The following ANO10 variants were observed in gnomAD, a reference collection of about 807,000 sequenced individuals.
ANO10 encodes the protein anoctamin-10.
ANO10 carries 77 observed loss-of-function variants against 74.7 expected under a neutral mutation model. The ratio of observed to expected loss-of-function variants is 1.03; its 90% CI spans 0.86 to 1.25. The LOEUF is 1.25. ANO10 is among the 50% of genes most tolerant of loss of function. ANO10 has a pLI of 0.00. For synonymous variants in ANO10, 279 were observed against 284.9 expected (o/e 0.98, Z 0.21); for missense variants, 721 against 778.1 (o/e 0.93, Z 0.87).
intron 11 of ANO10, among the ~76,000 whole-genome samples, chr3:43,500,716 CCT>C (rs2077069614): frequency 2.0e-5 from 3 of 152,126 alleles, no homozygotes; most frequent in Admixed American, 2.0e-4. Context: ...CCTTTTCAAC[CCT>C]GAGTGACACT....
At chr3:43,575,191 T>C (rs1195810294) in intron 6 of ANO10, among the ~76,000 whole-genome samples, 1 of 152,220 alleles carries the variant, frequency 6.6e-6, no homozygotes, top group African/African-American at 2.4e-5. Context: ...CTAATAATAG[T>C]AACCTCTAGA....
At chr3:43,480,610 T>C (rs983625717) in intron 11 of ANO10, among the ~76,000 whole-genome samples, 1 of 151,996 alleles carries the variant, frequency 6.6e-6, no homozygotes, top group Non-Finnish European at 1.5e-5. Flanking sequence ...CCTGCCAAGA[T>C]AAAGGAGGGG....
intron 4 of ANO10, among the ~76,000 whole-genome samples, chr3:43,582,907 T>C (rs1376476289): frequency 6.6e-6 from 1 of 152,238 alleles, no homozygotes; most frequent in African/African-American, 2.4e-5. Context: ...ACTGTTCTGA[T>C]TCTTATTCCT....
intron 11 of ANO10, among the ~76,000 whole-genome samples, chr3:43,435,342 C>A (rs1186953812): frequency 6.6e-6 from 1 of 152,092 alleles, no homozygotes; most frequent in African/African-American, 2.4e-5. Flanking sequence ...AACCCCATCT[C>A]CACTAGAAAT....
rs149990172 is a variant in ANO10 at position 43,685,158 on chromosome 3, G to A, written c.-12+6359C>T. On this transcript the variant is annotated intron_variant, in intron 1 of 3. Coordinates refer to the ANO10 transcript ENST00000413397. Reference sequence around the variant, plus strand: ...TGGCATAAAGCCATTTGTAGTATTCGCCTTACTATCTTTTGAATATGTTGG... The same window carrying A: ...TGGCATAAAGCCATTTGTAGTATTCACCTTACTATCTTTTGAATATGTTGG... Among the ~76,000 whole-genome samples, 511 of 152,180 alleles carry A rather than the reference G, an allele frequency of 3.4e-3. 1 individual carries two copies. The highest frequency in any genetic ancestry group is 0.012 in the African/African-American group (481 of 41,540).
chr3:43,377,115 T>G (rs988841044), intron 12 of ANO10, among the ~76,000 whole-genome samples: 2 of 152,184 alleles, frequency 1.3e-5, no homozygotes, highest in Non-Finnish European at 2.9e-5. Flanking sequence ...AGGGTTTCAC[T>G]CTGTCACCTA....
chr3:43,508,478 T>C (rs9814737), intron 11 of ANO10, among the ~76,000 whole-genome samples: 75,140 of 151,968 alleles, frequency 0.49, 20,667 homozygotes, highest in East Asian at 0.83. Context: ...CATGCTGCCA[T>C]AAAGACACAT....
At chr3:43,444,547 C>T (rs1575826143) in intron 11 of ANO10, among the ~76,000 whole-genome samples, 1 of 152,216 alleles carries the variant, frequency 6.6e-6, no homozygotes, top group Admixed American at 6.5e-5. Flanking sequence ...TTTCATTCTA[C>T]TATATACTTA....
chr3:43,497,481 C>G (rs2076958643), intron 11 of ANO10, among the ~76,000 whole-genome samples: 1 of 152,196 alleles, frequency 6.6e-6, no homozygotes, highest in Non-Finnish European at 1.5e-5. Context: ...CTCTGTTTTT[C>G]CTGATTGCAG....
intron 1 of ANO10, among the ~76,000 whole-genome samples, chr3:43,636,022 C>CAAA (rs201394976): frequency 1.4e-5 from 2 of 147,510 alleles, no homozygotes; most frequent in Admixed American, 6.7e-5. Context: ...GTAAAAAAAA[C>CAAA]AAAAAAAAAC....
intron 1 of ANO10, among the ~76,000 whole-genome samples, chr3:43,665,723 C>T (rs576790077): frequency 1.8e-4 from 27 of 152,294 alleles, no homozygotes; most frequent in African/African-American, 5.8e-4. Context: ...TCAGGATTCA[C>T]TGGTTGGTCG....
At chr3:43,525,447 A>G (rs2078153295) in intron 11 of ANO10, among the ~76,000 whole-genome samples, 1 of 152,148 alleles carries the variant, frequency 6.6e-6, no homozygotes, top group Non-Finnish European at 1.5e-5. Context: ...CTTTGTGTTC[A>G]TGCTAGATAA....
intron 9 of ANO10, among the ~76,000 whole-genome samples, chr3:43,560,618 G>A (rs1028473539): frequency 2.0e-5 from 3 of 152,188 alleles, no homozygotes; most frequent in African/African-American, 7.2e-5. Context: ...AGTGAATGTA[G>A]TCAGAGCTCA....
chr3:43,611,814 C>A (rs910926132), intron 1 of ANO10, among the ~76,000 whole-genome samples: 7 of 152,016 alleles, frequency 4.6e-5, no homozygotes, highest in Admixed American at 3.3e-4. Flanking sequence ...CCAGCAAGAA[C>A]AAATATGATA....
chr3:43,379,227 A>G (rs555735189), intron 12 of ANO10, among the ~76,000 whole-genome samples: 1 of 152,370 alleles, frequency 6.6e-6, no homozygotes, highest in South Asian at 2.1e-4. Flanking sequence ...CTACCAACAG[A>G]CTGTCTTTCT....
intron 11 of ANO10, among the ~76,000 whole-genome samples, chr3:43,486,496 G>A (rs2076495013): frequency 6.7e-6 from 1 of 148,596 alleles, no homozygotes; most frequent in African/African-American, 2.5e-5. Context: ...GCAGTGGTTT[G>A]TAGTTCTCCT....
intron 11 of ANO10, among the ~76,000 whole-genome samples, chr3:43,513,812 C>T (rs1454971039): frequency 1.3e-5 from 2 of 151,946 alleles, no homozygotes; most frequent in Admixed American, 1.3e-4. Context: ...TGCCCAGCCA[C>T]ACACTTCTAT....
At position 43,432,944 on chromosome 3, in the gene ANO10, C is replaced by CTTTTTT. The variant is rs5848663; in HGVS notation, c.1798-223_1798-218dup. Among the ~76,000 whole-genome samples, 402 of 55,258 alleles carry CTTTTTT rather than the reference C, an allele frequency of 7.3e-3. 75 individuals are homozygous for CTTTTTT. The highest frequency in any genetic ancestry group is 0.033 in the East Asian group (35 of 1,072). The allele number at this position is 55,258 out of a possible 152,430, so 36.3% of individuals were successfully genotyped here. A position where few individuals can be genotyped will look rare whatever the true frequency, so the allele number is the denominator to read the frequency against. ...CAGTAATTACTGACTTTGCTTAATT[C>CTTTTTT]TTTTTTTTTTTTTTTTTTTTTTTTT... is the stretch of plus-strand genomic sequence containing the variant. On this transcript the variant is annotated intron_variant, in intron 11 of 12. Transcript: ENST00000292246.
intron 1 of ANO10, among the ~76,000 whole-genome samples, chr3:43,630,466 G>A (rs141862813): frequency 2.2e-3 from 341 of 152,108 alleles, no homozygotes; most frequent in Non-Finnish European, 3.5e-3. Flanking sequence ...TAAATTCAGA[G>A]GGAAAAAAAA....
Sources: gnomAD v4.1 joint callset for allele counts (sites outside exome capture counted in the v4.1 genomes callset) on GRCh38, gnomAD v4.1.1 for gene constraint, MANE v1.5 for transcripts, NCBI Gene and HGNC (gene_info 2026-07-23, HGNC 2026-07-21) for gene names.